KLF12: variants seen among roughly 807,000 people sequenced by gnomAD.
KLF12 encodes the protein Krueppel-like factor 12.
Under a neutral mutation model 37.8 loss-of-function variants are expected in KLF12, and 9 were observed. The observed-to-expected ratio is 0.24, with a 90% CI of 0.14 to 0.42. The LOEUF is 0.42. Among genes scored for constraint, KLF12 ranks in the 10% least tolerant of loss-of-function variants. The pLI is 1.00. For missense variants in KLF12, 411 were observed against 516.0 expected (o/e 0.80, Z 1.97); for synonymous variants, 208 against 202.1 (o/e 1.03, Z -0.25).
At position 73,813,297 on chromosome 13, in the gene KLF12, A is replaced by G. The variant is rs149495221; in HGVS notation, c.671-10T>C. 5.1e-5 allele frequency: 82 copies of G among 1,613,828 alleles called. No homozygotes were observed. In the Middle Eastern group the frequency reaches 8.3e-4, roughly 16 times the overall value. ...CGGGGGTCCATTTGTGCTGGAGAGA[A>G]AAGGCATATATAATGAATTAAAATC... On this transcript the variant is annotated splice_polypyrimidine_tract_variant and intron_variant, in intron 4 of 7. Transcript: ENST00000377669.
the KLF12 span, among the ~76,000 whole-genome samples, chr13:74,283,092 A>G: frequency 6.6e-6 from 1 of 152,206 alleles, no homozygotes; most frequent in Non-Finnish European, 1.5e-5. Context: ...CTTAAAAACA[A>G]ACAATATGCA....
At chr13:74,079,256 A>G (rs1874744233) in intron 1 of KLF12, among the ~76,000 whole-genome samples, 1 of 152,158 alleles carries the variant, frequency 6.6e-6, no homozygotes, top group Non-Finnish European at 1.5e-5. Flanking sequence ...TCCAATGGGT[A>G]AAGAGATTCC....
At chr13:73,824,794 G>A (rs994899364) in intron 4 of KLF12, among the ~76,000 whole-genome samples, 7 of 152,234 alleles carry the variant, frequency 4.6e-5, no homozygotes, top group South Asian at 2.1e-4. Context: ...CAGGCTGGGC[G>A]CGGTGGCTCA....
chr13:74,236,157 A>C, the KLF12 span, among the ~76,000 whole-genome samples: 1 of 145,290 alleles, frequency 6.9e-6, no homozygotes, highest in Non-Finnish European at 1.5e-5. Flanking sequence ...ATGTGTTCTC[A>C]TTGTTCAATT....
the KLF12 span, among the ~76,000 whole-genome samples, chr13:74,145,086 A>C: frequency 1.3e-5 from 2 of 152,278 alleles, no homozygotes; most frequent in East Asian, 3.9e-4. Context: ...CAATGAAAAA[A>C]ATAAAACAGT....
At chr13:73,820,543 T>C (rs1883464543) in intron 4 of KLF12, among the ~76,000 whole-genome samples, 1 of 152,234 alleles carries the variant, frequency 6.6e-6, no homozygotes, top group East Asian at 1.9e-4. Flanking sequence ...CCTTGTTTCT[T>C]GTTTCCTTTA....
chr13:74,201,869 T>A, the KLF12 span, among the ~76,000 whole-genome samples: 1 of 152,132 alleles, frequency 6.6e-6, no homozygotes, highest in Non-Finnish European at 1.5e-5. Flanking sequence ...TGATTTTAAG[T>A]GGTCTCAGAA....
At chr13:73,994,877 T>G (rs1892065678) in intron 2 of KLF12, 113 bp downstream of exon 2, 1 of 758,976 alleles carries the variant, frequency 1.3e-6, no homozygotes. Context: ...ATGTAAGTAC[T>G]GACCTCTGTC....
chr13:74,060,457 C>A (rs1873508802), intron 1 of KLF12, among the ~76,000 whole-genome samples: 1 of 146,134 alleles, frequency 6.8e-6, no homozygotes, highest in African/African-American at 2.6e-5. Flanking sequence ...CATCTTTCGC[C>A]TCCGTGGTTA....
chr13:73,710,429 C>T (rs1875293474), intron 7 of KLF12, among the ~76,000 whole-genome samples: 1 of 148,568 alleles, frequency 6.7e-6, no homozygotes, highest in African/African-American at 2.5e-5. Context: ...TTTACAAATT[C>T]AAGTTTTGTG....
intron 1 of KLF12, among the ~76,000 whole-genome samples, chr13:74,102,381 C>A (rs1876403386): frequency 6.6e-6 from 1 of 151,864 alleles, no homozygotes; most frequent in Non-Finnish European, 1.5e-5. Flanking sequence ...CTATCAGACA[C>A]TAACAGAAAC....
chr13:73,886,783 G>A (rs1348640259), intron 3 of KLF12, among the ~76,000 whole-genome samples: 3 of 152,208 alleles, frequency 2.0e-5, no homozygotes, highest in Non-Finnish European at 4.4e-5. Flanking sequence ...CCTGAGGTCC[G>A]GAGTTCAAGA....
chr13:73,832,295 T>C (rs928588999), intron 4 of KLF12, among the ~76,000 whole-genome samples: 2 of 152,194 alleles, frequency 1.3e-5, no homozygotes, highest in African/African-American at 4.8e-5. Flanking sequence ...TTTACGCTTC[T>C]CCAACTTTCG....
chr13:74,133,453 G>GA (rs199971932), intron 1 of KLF12, among the ~76,000 whole-genome samples: 7 of 148,424 alleles, frequency 4.7e-5, no homozygotes, highest in East Asian at 2.0e-4. Flanking sequence ...ACTTCTTCTG[G>GA]AAAAAAAAAA....
At chr13:74,140,773 G>A in the KLF12 span, among the ~76,000 whole-genome samples, 4 of 152,138 alleles carry the variant, frequency 2.6e-5, no homozygotes, top group Non-Finnish European at 4.4e-5. Context: ...GAAGGTTGGA[G>A]CAGGGTGCGG....
upstream of KLF12, among the ~76,000 whole-genome samples, chr13:74,135,394 A>G (rs1335838349): frequency 6.6e-6 from 1 of 151,672 alleles, no homozygotes; most frequent in Non-Finnish European, 1.5e-5. Context: ...GACGGCCCGG[A>G]GCCGAGTCCT....
At chr13:74,273,431 A>G in the KLF12 span, among the ~76,000 whole-genome samples, 3 of 149,384 alleles carry the variant, frequency 2.0e-5, no homozygotes, top group Non-Finnish European at 4.4e-5. Flanking sequence ...TATTCCTGTA[A>G]TAGTTTTTAT....
At chr13:73,893,369 C>CTTTTTTTTT (rs71115621) in intron 3 of KLF12, among the ~76,000 whole-genome samples, 1 of 50,564 alleles carries the variant, frequency 2.0e-5, no homozygotes, top group African/African-American at 8.2e-5. Context: ...ACAATATTGA[C>CTTTTTTTTT]TTTTTTTTTT....
At chr13:74,172,171 A>ACACACACACACACT in the KLF12 span, among the ~76,000 whole-genome samples, 2 of 151,128 alleles carry the variant, frequency 1.3e-5, no homozygotes, top group African/African-American at 4.9e-5. Context: ...ACACACACAC[A>ACACACACACACACT]CTCTACTGAC....
Sources: allele counts gnomAD v4.1 joint callset (sites outside exome capture counted in the v4.1 genomes callset), GRCh38; gene constraint gnomAD v4.1.1; transcripts MANE v1.5; gene names NCBI Gene and HGNC (gene_info 2026-07-23, HGNC 2026-07-21).